ERC2: variants seen among roughly 807,000 people sequenced by gnomAD.
ERC2 encodes the protein ELKS/RAB6-interacting/CAST family member 2, also known as ERC protein 2.
A neutral mutation model predicts 114.8 loss-of-function variants in ERC2; 42 were observed. The ratio of observed to expected loss-of-function variants is 0.37; its 90% CI spans 0.29 to 0.47. The LOEUF is 0.47. ERC2 is among the 20% of genes least tolerant of loss of function. The probability of loss-of-function intolerance (pLI) is 0.99; values close to 1 mark genes in which losing one functional copy is unlikely to be tolerated. For missense variants in ERC2, 939 were observed against 1,150.7 expected (o/e 0.82, Z 2.66); for synonymous variants, 454 against 425.5 (o/e 1.07, Z -0.82).
intron 15 of ERC2, among the ~76,000 whole-genome samples, chr3:55,714,616 A>AAT (rs2063968629): frequency 7.0e-6 from 1 of 141,982 alleles, no homozygotes; most frequent in South Asian, 2.2e-4. Flanking sequence ...TCTACATTTA[A>AAT]ATATATATAT....
At chr3:56,082,762 C>T (rs73072510) in intron 6 of ERC2, among the ~76,000 whole-genome samples, 20,304 of 152,082 alleles carry the variant, frequency 0.13, 1,446 homozygotes, top group East Asian at 0.15. Flanking sequence ...GGTCCAGGGC[C>T]TGTTAGGAAC....
chr3:55,768,381 C>T (rs1007811450), intron 14 of ERC2, among the ~76,000 whole-genome samples: 1 of 152,200 alleles, frequency 6.6e-6, no homozygotes, highest in African/African-American at 2.4e-5. Flanking sequence ...TAATGATCAC[C>T]AACTCTGTAA....
intron 6 of ERC2, among the ~76,000 whole-genome samples, chr3:56,114,968 G>A (rs933564690): frequency 2.0e-5 from 3 of 152,142 alleles, no homozygotes; most frequent in African/African-American, 7.2e-5. Flanking sequence ...TGCAGCCAGA[G>A]ACCTCAAGAT....
At chr3:56,001,847 G>A (rs2149549048) in intron 10 of ERC2, among the ~76,000 whole-genome samples, 1 of 152,090 alleles carries the variant, frequency 6.6e-6, no homozygotes, top group Middle Eastern at 3.4e-3. Flanking sequence ...CAATTGCAGT[G>A]GGATTATTTC....
Position 56,434,477 on chromosome 3 carries a change from A to C in ERC2, c.531T>G (p.Ser177=). The C allele has an allele frequency of 6.2e-7, 1 of 1,614,018 alleles. No homozygotes were observed. The highest frequency in any genetic ancestry group is 8.5e-7 in the Non-Finnish European group (1 of 1,179,888). Residue 177 remains serine (S), a synonymous_variant, in exon 2 of 18, where the codon TCT becomes TCG. Coordinates refer to ENST00000288221, the MANE Select transcript of ERC2 (RefSeq NM_015576.3). ...ELDIKDSKLG[S]SMNSIKTFWS... ...AGAAAGTCTTAATACTGTTCATGGA[A>C]GATCCCAATTTGCTGTCCTTGATGT...
chr3:56,160,665 A>G (rs2081995053), intron 4 of ERC2, among the ~76,000 whole-genome samples: 1 of 152,162 alleles, frequency 6.6e-6, no homozygotes, highest in South Asian at 2.1e-4. Flanking sequence ...ATATAGTGAA[A>G]TGTAAGTGTC....
chr3:55,664,865 C>G (rs2061295583), intron 17 of ERC2, among the ~76,000 whole-genome samples: 1 of 152,144 alleles, frequency 6.6e-6, no homozygotes, highest in Admixed American at 6.5e-5. Context: ...AAAACTTTAG[C>G]AGTAGGTCTG....
intron 2 of ERC2, among the ~76,000 whole-genome samples, chr3:56,356,533 A>G (rs2058750299): frequency 6.6e-6 from 1 of 152,164 alleles, no homozygotes; most frequent in Non-Finnish European, 1.5e-5. Flanking sequence ...TCAGACCTCA[A>G]TACCTCCCAG....
chr3:55,576,914 T>A (rs1182391484), intron 17 of ERC2, among the ~76,000 whole-genome samples: 1 of 152,256 alleles, frequency 6.6e-6, no homozygotes, highest in Non-Finnish European at 1.5e-5. Context: ...CTGAGCCCTG[T>A]TCAGAGTCCT....
chr3:55,846,182 G>A (rs1229595334), intron 14 of ERC2, among the ~76,000 whole-genome samples: 2 of 152,068 alleles, frequency 1.3e-5, no homozygotes, highest in Admixed American at 6.5e-5. Flanking sequence ...AGAGTCTGTT[G>A]TTTCCTTCTT....
intron 14 of ERC2, among the ~76,000 whole-genome samples, chr3:55,764,998 T>C (rs2067680036): frequency 6.6e-6 from 1 of 152,166 alleles, no homozygotes; most frequent in Admixed American, 6.5e-5. Context: ...TGCCAAACTT[T>C]ATCAATTTCA....
chr3:55,782,254 G>A (rs1268109368), intron 14 of ERC2, among the ~76,000 whole-genome samples: 3 of 152,164 alleles, frequency 2.0e-5, no homozygotes, highest in Non-Finnish European at 4.4e-5. Context: ...TACCTACAGG[G>A]TGATGCTAGC....
At chr3:56,389,176 G>T (rs1455250170) in intron 2 of ERC2, among the ~76,000 whole-genome samples, 1 of 152,150 alleles carries the variant, frequency 6.6e-6, no homozygotes, top group Non-Finnish European at 1.5e-5. Context: ...TAGGTTGAAA[G>T]TATTGATCAT....
At chr3:55,964,243 C>A (rs1458070) in intron 12 of ERC2, among the ~76,000 whole-genome samples, 22,405 of 152,112 alleles carry the variant, frequency 0.15, 2,527 homozygotes, top group African/African-American at 0.3. Context: ...AAGAAGCAGA[C>A]GCTTAGAGAG....
At chr3:56,342,257 C>T (rs1296159886) in intron 2 of ERC2, among the ~76,000 whole-genome samples, 1 of 152,182 alleles carries the variant, frequency 6.6e-6, no homozygotes, top group East Asian at 1.9e-4. Context: ...CTACTTATTG[C>T]CATCACAGAA....
chr3:55,535,978 A>T (rs1231427279), intron 17 of ERC2, among the ~76,000 whole-genome samples: 1 of 152,196 alleles, frequency 6.6e-6, no homozygotes, highest in East Asian at 1.9e-4. Flanking sequence ...CAGCCTGGGC[A>T]ACGAGAGCAA....
intron 16 of ERC2, among the ~76,000 whole-genome samples, chr3:55,693,714 T>TC (rs1190662091): frequency 6.9e-6 from 1 of 145,016 alleles, no homozygotes; most frequent in East Asian, 2.0e-4. Context: ...TTTTTTCTTC[T>TC]TTTTTTTTTT....
chr3:55,809,754 A>G (rs1021551010), intron 14 of ERC2, among the ~76,000 whole-genome samples: 2 of 150,174 alleles, frequency 1.3e-5, no homozygotes, highest in African/African-American at 4.9e-5. Flanking sequence ...CCGTGCCTCA[A>G]ATCACAGAGG....
At chr3:55,625,094 A>G (rs1002871613) in intron 17 of ERC2, among the ~76,000 whole-genome samples, 1 of 152,196 alleles carries the variant, frequency 6.6e-6, no homozygotes, top group African/African-American at 2.4e-5. Flanking sequence ...TAGGCCAGGC[A>G]CGGTGGCTCA....
Sources: gnomAD v4.1 joint callset for allele counts (sites outside exome capture counted in the v4.1 genomes callset) on GRCh38, gnomAD v4.1.1 for gene constraint, MANE v1.5 for transcripts, NCBI Gene and HGNC (gene_info 2026-07-23, HGNC 2026-07-21) for gene names.